The following CNTNAP2 variants were observed in gnomAD, a reference collection of about 807,000 sequenced individuals.
CNTNAP2 encodes the protein contactin associated protein 2.
Under a neutral mutation model 155.2 loss-of-function variants are expected in CNTNAP2, and 98 were observed. The observed-to-expected ratio is 0.63, with a 90% CI of 0.54 to 0.75. The LOEUF is 0.75. CNTNAP2 is among the 30% of genes least tolerant of loss of function. CNTNAP2 has a pLI of 0.00. For missense variants in CNTNAP2, 1,727 were observed against 1,688.1 expected (o/e 1.02, Z -0.40); for synonymous variants, 651 against 631.2 (o/e 1.03, Z -0.47).
intron 9 of CNTNAP2, among the ~76,000 whole-genome samples, chr7:147,312,245 AATTTT>A (rs1227396382): frequency 2.2e-4 from 34 of 151,768 alleles, no homozygotes; most frequent in Admixed American, 2.0e-3. Flanking sequence ...TCCTCCTGGG[AATTTT>A]ATTTTATTTT....
chr7:148,213,856 G>A (rs1795591232), intron 18 of CNTNAP2, among the ~76,000 whole-genome samples: 1 of 152,186 alleles, frequency 6.6e-6, no homozygotes. Flanking sequence ...CCTGTGCCTT[G>A]CTCACGGGAT....
chr7:147,149,992 T>C (rs1252101046), intron 8 of CNTNAP2, among the ~76,000 whole-genome samples: 1 of 152,226 alleles, frequency 6.6e-6, no homozygotes, highest in Non-Finnish European at 1.5e-5. Flanking sequence ...ACTTTATTTA[T>C]AGGTAACAGT....
intron 1 of CNTNAP2, among the ~76,000 whole-genome samples, chr7:146,453,092 T>C (rs767986368): frequency 1.2e-4 from 18 of 152,164 alleles, no homozygotes; most frequent in Non-Finnish European, 2.4e-4. Flanking sequence ...GCCATAGTCC[T>C]TAGAGAAGAC....
intron 21 of CNTNAP2, among the ~76,000 whole-genome samples, chr7:148,342,071 A>G (rs1358696847): frequency 6.6e-6 from 1 of 152,214 alleles, no homozygotes; most frequent in Non-Finnish European, 1.5e-5. Context: ...TGTCAGAATC[A>G]ACCAAGCCCA....
intron 1 of CNTNAP2, among the ~76,000 whole-genome samples, chr7:146,665,788 A>AAAAAACAAACAAAAAAAAAAAAAAAAC (rs1800181554): frequency 7.0e-6 from 1 of 142,038 alleles, no homozygotes; most frequent in African/African-American, 2.7e-5. Context: ...CTCATTAAAA[A>AAAAAACAAACAAAAAAAAAAAAAAAAC]AAAAAAAAAA....
At chr7:148,405,906 C>T (rs1445219256) in intron 22 of CNTNAP2, among the ~76,000 whole-genome samples, 1 of 151,884 alleles carries the variant, frequency 6.6e-6, no homozygotes, top group African/African-American at 2.4e-5. Context: ...TTTTTTATCA[C>T]TATATTTAAT....
At chr7:146,972,471 T>C (rs1183604902) in intron 3 of CNTNAP2, among the ~76,000 whole-genome samples, 1 of 152,200 alleles carries the variant, frequency 6.6e-6, no homozygotes, top group Non-Finnish European at 1.5e-5. Flanking sequence ...CAGAATGGAA[T>C]ACATAGCACA....
At chr7:146,158,218 C>T (rs1355587310) in intron 1 of CNTNAP2, among the ~76,000 whole-genome samples, 1 of 152,120 alleles carries the variant, frequency 6.6e-6, no homozygotes, top group African/African-American at 2.4e-5. Flanking sequence ...GACACCCACA[C>T]CAAAACCCTA....
At chr7:147,549,696 C>T (rs1160286719) in intron 11 of CNTNAP2, among the ~76,000 whole-genome samples, 1 of 152,120 alleles carries the variant, frequency 6.6e-6, no homozygotes, top group East Asian at 1.9e-4. Flanking sequence ...AAAGTAGTCA[C>T]CACAGCAGTT....
chr7:148,001,022 G>A (rs945137142), intron 15 of CNTNAP2, among the ~76,000 whole-genome samples: 2 of 152,146 alleles, frequency 1.3e-5, no homozygotes, highest in Non-Finnish European at 2.9e-5. Context: ...GTGTTCAAGT[G>A]TCCTTTCTGT....
chr7:146,154,041 T>C (rs1014460278), intron 1 of CNTNAP2, among the ~76,000 whole-genome samples: 3 of 152,164 alleles, frequency 2.0e-5, no homozygotes, highest in African/African-American at 4.8e-5. Flanking sequence ...TGATTGTTCA[T>C]TTCCCTTTTA....
chr7:147,132,184 T>C, intron 7 of CNTNAP2, 61 bp from the exon 8 acceptor site: 1 of 1,599,738 alleles, frequency 6.3e-7, no homozygotes, highest in Non-Finnish European at 8.5e-7. Context: ...TCATCAGTGG[T>C]CTGACATGGA....
At chr7:148,031,989 A>G (rs1802485359) in intron 15 of CNTNAP2, among the ~76,000 whole-genome samples, 1 of 152,128 alleles carries the variant, frequency 6.6e-6, no homozygotes. Flanking sequence ...TCAAGGCTTT[A>G]TTGTTGCAAG....
At chr7:147,603,083 C>T (rs1316982752) in intron 12 of CNTNAP2, among the ~76,000 whole-genome samples, 1 of 151,620 alleles carries the variant, frequency 6.6e-6, no homozygotes, top group Non-Finnish European at 1.5e-5. Flanking sequence ...AATGGTTGAA[C>T]TAGTTTACAG....
At chr7:146,226,119 C>G (rs937891427) in intron 1 of CNTNAP2, among the ~76,000 whole-genome samples, 3 of 152,142 alleles carry the variant, frequency 2.0e-5, no homozygotes, top group East Asian at 1.9e-4. Context: ...GTTTCACTGT[C>G]CGATTCTGTG....
intron 1 of CNTNAP2, among the ~76,000 whole-genome samples, chr7:146,284,907 T>C (rs1800302823): frequency 2.0e-5 from 3 of 152,218 alleles, no homozygotes; most frequent in African/African-American, 7.2e-5. Context: ...TCCCACAGGC[T>C]ATGACTATGC....
chr7:147,154,006 A>G (rs1334667939), intron 8 of CNTNAP2, among the ~76,000 whole-genome samples: 1 of 152,080 alleles, frequency 6.6e-6, no homozygotes, highest in African/African-American at 2.4e-5. Context: ...TGCTCTTTCA[A>G]GAAAGTCAAG....
chr7:146,297,443 T>G (rs967891309), intron 1 of CNTNAP2, among the ~76,000 whole-genome samples: 1 of 151,954 alleles, frequency 6.6e-6, no homozygotes, highest in Non-Finnish European at 1.5e-5. Context: ...GTGATCAAAG[T>G]AGGTAAAACC....
intron 1 of CNTNAP2, among the ~76,000 whole-genome samples, chr7:146,768,710 C>A (rs1802242256): frequency 6.6e-6 from 1 of 152,056 alleles, no homozygotes; most frequent in African/African-American, 2.4e-5. Context: ...GCTAGAATTT[C>A]TGTTCAGCTA....
Sources: gnomAD v4.1 joint callset for allele counts (sites outside exome capture counted in the v4.1 genomes callset) on GRCh38, gnomAD v4.1.1 for gene constraint, MANE v1.5 for transcripts, NCBI Gene and HGNC (gene_info 2026-07-23, HGNC 2026-07-21) for gene names.